Variants in ALG10B observed in about 807,000 individuals in gnomAD.
The protein encoded by ALG10B is ALG10 alpha-1,2-glucosyltransferase B, also known as dol-P-Glc:Glc(2)Man(9)GlcNAc(2)-PP-Dol alpha-1,2-glucosyltransferase B.
Under a neutral mutation model 38.7 loss-of-function variants are expected in ALG10B, and 27 were observed. That is an observed-to-expected ratio of 0.70 (90% CI 0.51 to 0.96). ALG10B has a LOEUF of 0.96. ALG10B is among the 40% of genes least tolerant of loss of function. ALG10B has a pLI of 0.00. For missense variants in ALG10B, 522 were observed against 542.7 expected, an observed-to-expected ratio of 0.96 and a Z score of 0.38; for synonymous variants, 177 against 193.3, an observed-to-expected ratio of 0.92 and a Z score of 0.70.
In ALG10B at chr12:38,329,479, G is replaced by GAA. The variant is rs11433041; in HGVS notation, c.*8270_*8271dup. The GAA allele has an allele frequency of 2.9e-6, 1 of 340,372 alleles. No individual in the cohort carries two copies. The highest frequency in any genetic ancestry group is 1.5e-4 in the South Asian group (1 of 6,512). The allele number at this position is 340,372 out of a possible 1,614,324, so 21.1% of individuals were successfully genotyped here. A position where few individuals can be genotyped will look rare whatever the true frequency, so the allele number is the denominator to read the frequency against. ...TTAACAGGACATACTTTAGATATTT[G>GAA]AAAAATTCTCTGTGGAATCACAATC... On this transcript the variant is annotated 3_prime_UTR_variant, in exon 3 of 3. Transcript: ENST00000308742.
Position 38,323,670 on chromosome 12 carries a change from G to T in ALG10B, c.*2457G>T, listed in dbSNP as rs12298397. On this transcript the variant is annotated 3_prime_UTR_variant, in exon 3 of 3. Coordinates refer to ENST00000308742, the MANE Select transcript of ALG10B (RefSeq NM_001013620.4). ...GAGTAATAAATGCAGGCCATTTTTT[G>T]GTTGTACTCTAGTACTCAGAAAATA... 0.091 allele frequency: 41,690 copies of T among 457,108 alleles called. 5,430 individuals carry two copies. Among genetic ancestry groups the T allele is most frequent in the East Asian group, 0.43 (12,568 of 29,002 alleles). 28.3% of individuals were successfully genotyped at this position (457,108 alleles called of 1,614,324 possible).
Position 38,329,417 on chromosome 12 carries a change from C to G in ALG10B, c.*8204C>G. ...TTGTTTGAAAATTAATATTTAGCTT[C>G]TCAAAAGAGACTCCTGTTTGGAAGC... On this transcript the variant is annotated 3_prime_UTR_variant, in exon 3 of 3. Transcript: ENST00000308742. The G allele has an allele frequency of 2.6e-6, 1 of 388,596 alleles. No individual in the cohort carries two copies. Among genetic ancestry groups the G allele is most frequent in the Non-Finnish European group, 4.5e-6 (1 of 220,260 alleles). The allele number at this position is 388,596 out of a possible 1,614,324, so 24.1% of individuals were successfully genotyped here. A position where few individuals can be genotyped will look rare whatever the true frequency, so the allele number is the denominator to read the frequency against.
At chr12:38,319,218 G>A (rs529748003) in intron 2 of ALG10B, among the ~76,000 whole-genome samples, 2 of 152,130 alleles carry the variant, frequency 1.3e-5, no homozygotes, top group South Asian at 2.1e-4. Context: ...CATTCAGTAA[G>A]TCCTCACAGA....
chr12:38,316,758 C>T, upstream of ALG10B: 1 of 1,468,430 alleles, frequency 6.8e-7, no homozygotes, highest in Non-Finnish European at 9.5e-7. Context: ...TCCCAGCATC[C>T]TTTGCCTTCC....
chr12:38,321,238 A>G lies in ALG10B; in HGVS notation c.*25A>G. On this transcript the variant is annotated 3_prime_UTR_variant, in exon 3 of 3. Coordinates refer to ENST00000308742, the MANE Select transcript of ALG10B (RefSeq NM_001013620.4). ...ATATCAGTGATATTTTGAACTGTAA[A>G]AATGGACTTAATAATTAGACCATTT... The G allele has an allele frequency of 6.3e-7, 1 of 1,598,860 alleles. No individual in the cohort carries two copies. Among genetic ancestry groups the G allele is most frequent in the South Asian group, 1.1e-5 (1 of 88,640 alleles).
upstream of ALG10B, chr12:38,316,721 G>A (rs7315028): frequency 0.37 from 392,979 of 1,066,348 alleles, 80,366 homozygotes; most frequent in Non-Finnish European, 0.43. Flanking sequence ...AGGAAACAGC[G>A]ACCCGCTGTT....
rs570613934 is a variant in ALG10B at position 38,325,641 on chromosome 12, A to T, written c.*4428A>T. 1 of 152,326 alleles carries T rather than the reference A, an allele frequency of 6.6e-6. No individual in the cohort carries two copies. The highest frequency in any genetic ancestry group is 2.1e-4 in the South Asian group (1 of 4,826). The allele number at this position is 152,326 out of a possible 1,614,324, so 9.4% of individuals were successfully genotyped here. On this transcript the variant is annotated 3_prime_UTR_variant, in exon 3 of 3. Transcript: ENST00000308742. Reference sequence around the variant, plus strand: ...TTTGAAAATTTTTAAATGGAAATTGAAATATGACTTAGGAACTGTGGGCTT... The same window carrying T: ...TTTGAAAATTTTTAAATGGAAATTGTAATATGACTTAGGAACTGTGGGCTT...
chr12:38,319,877 G>T (rs889062270), intron 2 of ALG10B, among the ~76,000 whole-genome samples: 2 of 152,120 alleles, frequency 1.3e-5, no homozygotes, highest in Non-Finnish European at 2.9e-5. Context: ...CTTGCACTCA[G>T]TAACTCCTTA....
In ALG10B at chr12:38,323,762, T is replaced by C. The variant is rs1945720923; in HGVS notation, c.*2549T>C. The C allele has an allele frequency of 3.2e-6, 2 of 617,986 alleles. No individual in the cohort carries two copies. The highest frequency in any genetic ancestry group is 2.7e-5 in the East Asian group (1 of 36,570). 38.3% of individuals were successfully genotyped at this position (617,986 alleles called of 1,614,324 possible). On this transcript the variant is annotated 3_prime_UTR_variant, in exon 3 of 3. Transcript: ENST00000308742. The stretch of plus-strand genomic sequence containing the variant: ...TTACCCAGACTTCTTAAAAATTAGA[T>C]GAGAGAGGACACTCAAAGAAATTAT...
Position 38,323,397 on chromosome 12 carries a change from T to A in ALG10B, c.*2184T>A, listed in dbSNP as rs1945718453. On this transcript the variant is annotated 3_prime_UTR_variant, in exon 3 of 3. Transcript: ENST00000308742. ...AATTTTGTGTTTATTATTTTGAGTG[T>A]ATTTTTTGGGTTGTCATTCCATTAC... 6.6e-6 allele frequency: 1 copy of A among 152,554 alleles called. No individual in the cohort carries two copies. Among genetic ancestry groups the A allele is most frequent in the Non-Finnish European group, 1.5e-5 (1 of 68,298 alleles). 9.5% of individuals were successfully genotyped at this position (152,554 alleles called of 1,614,324 possible). A position where few individuals can be genotyped will look rare whatever the true frequency, so the allele number is the denominator to read the frequency against.
rs1471704985 is a variant in ALG10B, at chr12:38,321,832, T to C, written c.*619T>C. Reference sequence around the variant, plus strand: ...TAGGCATCAAATTGTTGGTTATTGTTTACAATCCAGAAATGATGAAGCTCT... The same window carrying C: ...TAGGCATCAAATTGTTGGTTATTGTCTACAATCCAGAAATGATGAAGCTCT... On this transcript the variant is annotated 3_prime_UTR_variant, in exon 3 of 3. Transcript: ENST00000308742. 6.6e-6 allele frequency: 1 copy of C among 152,654 alleles called. No individual in the cohort carries two copies. The highest frequency in any genetic ancestry group is 1.5e-5 in the Non-Finnish European group (1 of 68,042). 9.5% of individuals were successfully genotyped at this position (152,654 alleles called of 1,614,324 possible). A position where few individuals can be genotyped will look rare whatever the true frequency, so the allele number is the denominator to read the frequency against.
Position 38,328,758 on chromosome 12 carries a change from T to A in ALG10B, c.*7545T>A, listed in dbSNP as rs1945767868. 6.5e-6 allele frequency: 1 copy of A among 154,716 alleles called. No homozygotes were observed. The highest frequency in any genetic ancestry group is 2.1e-4 in the South Asian group (1 of 4,856). The allele number at this position is 154,716 out of a possible 1,614,324, so 9.6% of individuals were successfully genotyped here. ...ATTTAACCTAATATATCTTCCCATA[T>A]GATATGATCTTTGCATATGGCATAC... On this transcript the variant is annotated 3_prime_UTR_variant, in exon 3 of 3. Coordinates refer to ENST00000308742, the MANE Select transcript of ALG10B (RefSeq NM_001013620.4).
rs189481584 is a variant in ALG10B, at chr12:38,318,219, G to A, written c.172-42G>A. 2.6e-5 allele frequency: 42 copies of A among 1,609,332 alleles called. No homozygotes were observed. In the East Asian group the frequency reaches 7.6e-4, roughly 29 times the overall value. On this transcript the variant is annotated intron_variant, in intron 1 of 2. Coordinates refer to ENST00000308742, the MANE Select transcript of ALG10B (RefSeq NM_001013620.4). ...TGACATATTTGTGTCTGTCTTGTTC[G>A]TATTACCTCTTGCTTTTACTTCATT...
Position 38,328,740 on chromosome 12 carries a change from C to T in ALG10B, c.*7527C>T, listed in dbSNP as rs1332933634. The T allele has an allele frequency of 6.5e-6, 1 of 153,174 alleles. No homozygotes were observed. The highest frequency in any genetic ancestry group is 6.5e-5 in the Admixed American group (1 of 15,288). The allele number at this position is 153,174 out of a possible 1,614,324, so 9.5% of individuals were successfully genotyped here. A position where few individuals can be genotyped will look rare whatever the true frequency, so the allele number is the denominator to read the frequency against. Reference sequence around the variant, plus strand: ...TTTTGTAATCATTAGACGATTTAACCTAATATATCTTCCCATATGATATGA... The same window carrying T: ...TTTTGTAATCATTAGACGATTTAACTTAATATATCTTCCCATATGATATGA... On this transcript the variant is annotated 3_prime_UTR_variant, in exon 3 of 3. Coordinates refer to ENST00000308742, the MANE Select transcript of ALG10B (RefSeq NM_001013620.4).
In ALG10B at chr12:38,316,816, G is replaced by A; in HGVS notation, c.-78G>A. On this transcript the variant is annotated 5_prime_UTR_variant, in exon 1 of 3. Coordinates refer to ENST00000308742, the MANE Select transcript of ALG10B (RefSeq NM_001013620.4). Reference sequence around the variant, plus strand: ...GTCCTGTCTAGCGCGCCCATTTCGAGCCCAAGTTTCCAGCTCGGGTTTCCG... The same window carrying A: ...GTCCTGTCTAGCGCGCCCATTTCGAACCCAAGTTTCCAGCTCGGGTTTCCG... 4 of 1,612,386 alleles carry A rather than the reference G, an allele frequency of 2.5e-6. No individual in the cohort carries two copies. The highest frequency in any genetic ancestry group is 3.4e-6 in the Non-Finnish European group (4 of 1,179,438).
At position 38,327,849 on chromosome 12, in the gene ALG10B, T is replaced by A. The variant is rs560333035; in HGVS notation, c.*6636T>A. On this transcript the variant is annotated 3_prime_UTR_variant, in exon 3 of 3. Transcript: ENST00000308742. ...TTTGTTGTAAGATAAATGACTAAAATTATGTGGGATATTTAATTTGGATAA... is the reference window on the plus strand; with the variant it reads ...TTTGTTGTAAGATAAATGACTAAAAATATGTGGGATATTTAATTTGGATAA... The A allele has an allele frequency of 9.9e-5, 15 of 152,282 alleles. No homozygotes were observed. The highest frequency in any genetic ancestry group is 3.4e-4 in the African/African-American group (14 of 41,558). The allele number at this position is 152,282 out of a possible 1,614,324, so 9.4% of individuals were successfully genotyped here.
rs1591938336 is a variant in ALG10B, at chr12:38,321,362, A to T, written c.*149A>T. On this transcript the variant is annotated 3_prime_UTR_variant, in exon 3 of 3. Transcript: ENST00000308742. ...AGTTTTTTTAATATATATTTTAAACATATGTAAGAAATTAAGTGGCAAAGA... is the reference window on the plus strand; with the variant it reads ...AGTTTTTTTAATATATATTTTAAACTTATGTAAGAAATTAAGTGGCAAAGA... 1.3e-6 allele frequency: 1 copy of T among 748,888 alleles called. No homozygotes were observed. Among genetic ancestry groups the T allele is most frequent in the East Asian group, 3.1e-5 (1 of 32,360 alleles). The allele number at this position is 748,888 out of a possible 1,614,324, so 46.4% of individuals were successfully genotyped here.
intron 1 of ALG10B, chr12:38,317,975 T>C (rs537516582): frequency 4.6e-6 from 2 of 431,604 alleles, no homozygotes; most frequent in Admixed American, 7.4e-5. Flanking sequence ...GCATTTGCAG[T>C]TTATTTATCA....
rs371517230 is a variant in ALG10B, at chr12:38,328,146, A to C, written c.*6933A>C. 7.9e-4 allele frequency: 120 copies of C among 152,344 alleles called. No individual in the cohort carries two copies. The highest frequency in any genetic ancestry group is 2.7e-3 in the African/African-American group (111 of 41,592). 9.4% of individuals were successfully genotyped at this position (152,344 alleles called of 1,614,324 possible). On this transcript the variant is annotated 3_prime_UTR_variant, in exon 3 of 3. Coordinates refer to ENST00000308742, the MANE Select transcript of ALG10B (RefSeq NM_001013620.4). ...CAAATGTCTTTTAAAGGTATCTGAC[A>C]TCTTTAAAGCTCTGTAATTTTTAAA...
Sources: gnomAD v4.1 joint callset for allele counts (sites outside exome capture counted in the v4.1 genomes callset) on GRCh38, gnomAD v4.1.1 for gene constraint, MANE v1.5 for transcripts, NCBI Gene and HGNC (gene_info 2026-07-23, HGNC 2026-07-21) for gene names.